The following NTRK2 variants were observed in gnomAD, a reference collection of about 807,000 sequenced individuals.
The protein encoded by NTRK2 is BDNF/NT-3 growth factors receptor.
Under a neutral mutation model 94.5 loss-of-function variants are expected in NTRK2, and 13 were observed. The ratio of observed to expected loss-of-function variants is 0.14; its 90% confidence interval spans 0.09 to 0.22. NTRK2 has a LOEUF of 0.22. NTRK2 is among the 10% of genes least tolerant of loss of function. The pLI, the probability that NTRK2 is intolerant of heterozygous loss-of-function variation, is 1.00. For synonymous variants in NTRK2, 372 were observed against 407.4 expected, an observed-to-expected ratio of 0.91 and a Z score of 1.05; for missense variants, 639 against 1,071.2, an observed-to-expected ratio of 0.60 and a Z score of 5.63.
At chr9:84,696,559 C>T (rs1219139659) in intron 2 of NTRK2, among the ~76,000 whole-genome samples, 1 of 152,092 alleles carries the variant, frequency 6.6e-6, no homozygotes, top group Admixed American at 6.5e-5. Flanking sequence ...AGCATCAGCT[C>T]TGTGCTAGGA....
intron 6 of NTRK2, among the ~76,000 whole-genome samples, chr9:84,720,600 A>G (rs373981337): frequency 5.9e-5 from 9 of 152,222 alleles, no homozygotes; most frequent in Admixed American, 5.9e-4. Context: ...TTAAAGATGT[A>G]TGAATAGCCA....
intron 14 of NTRK2, chr9:84,877,003 C>G: frequency 9.4e-7 from 1 of 1,061,566 alleles, no homozygotes; most frequent in Non-Finnish European, 1.1e-6. Flanking sequence ...ATTGGTGATA[C>G]ATAGCTATGC....
chr9:84,702,378 G>C lies in NTRK2; in HGVS notation c.318G>C (p.Val106=), dbSNP rs545685998. 12 of 1,614,098 alleles carry C rather than the reference G, an allele frequency of 7.4e-6. No individual in the cohort carries two copies. In the South Asian group the frequency reaches 1.2e-4, roughly 16 times the overall value. Residue 106 remains valine, a synonymous_variant, in exon 4 of 19, where the codon GTG becomes GTC. Coordinates refer to ENST00000277120, the MANE Select transcript of NTRK2 (RefSeq NM_006180.6). The part of the protein sequence containing the change: ...LTIVDSGLKF[V]AHKAFLKNSN... Reference sequence around the variant, plus strand: ...TTGTGGATTCTGGATTAAAATTTGTGGCTCATAAAGCATTTCTGAAAAACA... The same window carrying C: ...TTGTGGATTCTGGATTAAAATTTGTCGCTCATAAAGCATTTCTGAAAAACA...
chr9:84,862,340 G>T (rs140896954), intron 13 of NTRK2, among the ~76,000 whole-genome samples: 135 of 152,280 alleles, frequency 8.9e-4, no homozygotes, highest in Non-Finnish European at 1.7e-3. Context: ...TGCGTGCGTA[G>T]GTGTATCCCG....
intron 14 of NTRK2, among the ~76,000 whole-genome samples, chr9:84,898,008 G>T (rs2076810554): frequency 6.6e-6 from 1 of 151,966 alleles, no homozygotes. Flanking sequence ...AAATCTGGAG[G>T]CAGAAAAGCC....
intron 12 of NTRK2, among the ~76,000 whole-genome samples, chr9:84,766,696 CACATACACACA>C (rs1232926630): frequency 6.6e-6 from 1 of 151,520 alleles, no homozygotes; most frequent in Non-Finnish European, 1.5e-5. Context: ...ATAAAACACA[CACATACACACA>C]ACATACACAC....
intron 14 of NTRK2, among the ~76,000 whole-genome samples, chr9:84,913,923 C>T (rs73476457): frequency 0.063 from 9,539 of 151,724 alleles, 890 homozygotes; most frequent in African/African-American, 0.2. Context: ...ACTCTGATGA[C>T]ATAAATATTA....
At chr9:84,876,217 T>C (rs2076061674) in intron 14 of NTRK2, 1 of 1,041,842 alleles carries the variant, frequency 9.6e-7, no homozygotes, top group Non-Finnish European at 1.2e-6. Flanking sequence ...GTGGTTGATA[T>C]AGAGAGGACA....
intron 6 of NTRK2, among the ~76,000 whole-genome samples, chr9:84,719,498 C>A (rs1186724603): frequency 6.6e-6 from 1 of 152,070 alleles, no homozygotes; most frequent in Non-Finnish European, 1.5e-5. Context: ...CTGAGAATCT[C>A]TTTATTTTAA....
intron 12 of NTRK2, among the ~76,000 whole-genome samples, chr9:84,859,677 C>T (rs187803744): frequency 1.3e-5 from 2 of 152,220 alleles, no homozygotes; most frequent in Admixed American, 1.3e-4. Context: ...AAAATTCAAT[C>T]TATGGTTTAA....
chr9:84,704,413 A>T (rs1195906481), intron 4 of NTRK2, among the ~76,000 whole-genome samples: 1 of 150,540 alleles, frequency 6.6e-6, no homozygotes, highest in Admixed American at 6.6e-5. Flanking sequence ...TTTTTAGTAG[A>T]GATTGGGTTT....
At chr9:84,895,012 C>G (rs1464185606) in intron 14 of NTRK2, among the ~76,000 whole-genome samples, 1 of 152,122 alleles carries the variant, frequency 6.6e-6, no homozygotes, top group African/African-American at 2.4e-5. Flanking sequence ...GATAATAGGG[C>G]AACCTGAAAC....
intron 14 of NTRK2, among the ~76,000 whole-genome samples, chr9:84,868,761 G>T (rs2075709756): frequency 3.9e-5 from 6 of 152,130 alleles, no homozygotes; most frequent in Admixed American, 3.3e-4. Flanking sequence ...CCTGTACACA[G>T]AACTGTCAAA....
Position 85,016,157 on chromosome 9 carries a change from C to T in NTRK2, c.2173-4049C>T, listed in dbSNP as rs117547219. On this transcript the variant is annotated intron_variant, in intron 17 of 18. Coordinates refer to ENST00000277120, the MANE Select transcript of NTRK2 (RefSeq NM_006180.6). Reference sequence around the variant, plus strand: ...GTGGTGGGTGATTCCGGAACCACGGCGTTTTTGTGCTGGAAGTAACCAAGG... The same window carrying T: ...GTGGTGGGTGATTCCGGAACCACGGTGTTTTTGTGCTGGAAGTAACCAAGG... Among the ~76,000 whole-genome samples, 888 of 152,250 alleles carry T rather than the reference C, an allele frequency of 5.8e-3. 26 individuals carry two copies. Among genetic ancestry groups the T allele is most frequent in the Admixed American group, 0.04 (609 of 15,284 alleles).
intron 12 of NTRK2, among the ~76,000 whole-genome samples, chr9:84,842,743 C>T (rs901580005): frequency 6.6e-6 from 1 of 152,164 alleles, no homozygotes; most frequent in Non-Finnish European, 1.5e-5. Flanking sequence ...TATTCAAACC[C>T]TCAGTTTTTT....
intron 2 of NTRK2, among the ~76,000 whole-genome samples, chr9:84,695,190 A>G (rs2060305166): frequency 6.6e-6 from 1 of 152,138 alleles, no homozygotes; most frequent in South Asian, 2.1e-4. Context: ...ACCATTTGAA[A>G]TATTCACAGC....
At chr9:84,761,286 G>A (rs1431449560) in intron 12 of NTRK2, among the ~76,000 whole-genome samples, 1 of 152,134 alleles carries the variant, frequency 6.6e-6, no homozygotes, top group African/African-American at 2.4e-5. Context: ...AGGAAGGAAG[G>A]GGGAGGTGAC....
chr9:84,733,561 G>A (rs2063040245), intron 9 of NTRK2, among the ~76,000 whole-genome samples: 1 of 152,096 alleles, frequency 6.6e-6, no homozygotes, highest in Admixed American at 6.5e-5. Context: ...CAGGATGGTG[G>A]GAATAAAACA....
chr9:84,941,961 A>G (rs1023463849), intron 15 of NTRK2, among the ~76,000 whole-genome samples: 7 of 152,252 alleles, frequency 4.6e-5, no homozygotes, highest in Non-Finnish European at 8.8e-5. Flanking sequence ...TGGAAGAGCC[A>G]GTATGGCTGA....
Sources: allele counts gnomAD v4.1 joint callset (sites outside exome capture counted in the v4.1 genomes callset), GRCh38; gene constraint gnomAD v4.1.1; transcripts MANE v1.5; gene names NCBI Gene and HGNC (gene_info 2026-07-23, HGNC 2026-07-21).